SPON2: variants seen among roughly 807,000 people sequenced by gnomAD.
SPON2 encodes the protein spondin 2, also known as spondin-2.
SPON2 carries 32 observed loss-of-function variants against 29.9 expected under a neutral mutation model. The observed-to-expected ratio is 1.07, with a 90% CI of 0.81 to 1.44. The LOEUF (loss-of-function observed/expected upper bound fraction) is 1.44. Ranked by LOEUF, SPON2 falls within the 40% of genes most tolerant of loss-of-function variation. The pLI is 0.00. For missense variants in SPON2, 541 were observed against 455.5 expected (o/e 1.19, Z -1.71); for synonymous variants, 248 against 209.1 (o/e 1.19, Z -1.61).
At chr4:1,195,087 G>GTT (rs1728031909) in exon 1 of SPON2, 4 of 131,202 alleles carry the variant, frequency 3.0e-5, no homozygotes, top group Non-Finnish European at 4.9e-5. Context: ...GCAGCCGGCG[G>GTT]CTCCAACCCC....
chr4:1,207,042 G>A (rs562490961), intron 1 of SPON2, among the ~76,000 whole-genome samples: 8 of 151,974 alleles, frequency 5.3e-5, no homozygotes, highest in Admixed American at 1.3e-4. Flanking sequence ...GGTGCAGGGC[G>A]GGTGGGGAGC....
rs1161530279 is a variant in SPON2, at chr4:1,186,129, A to G, written c.-238-6588T>C. On this transcript the variant is annotated intron_variant, in intron 1 of 3. Transcript: ENST00000502483. ...CGTGGTGGTGGGCGCCTGTAGTCCC[A>G]GCTACTCAGGAGGCTGAGGCAGGAG... is the stretch of plus-strand genomic sequence containing the variant. Among the ~76,000 whole-genome samples, 4 of 151,156 alleles carry G rather than the reference A, an allele frequency of 2.6e-5. No individual in the cohort carries two copies. The East Asian group carries it at 8.0e-4, about 30-fold the overall frequency.
intron 5 of SPON2, among the ~76,000 whole-genome samples, chr4:1,169,373 G>C (rs962468692): frequency 6.6e-6 from 1 of 152,128 alleles, no homozygotes; most frequent in Non-Finnish European, 1.5e-5. Context: ...GCCTGCACTG[G>C]GCAGGGGCAG....
chr4:1,180,964 T>G (rs1015137662), intron 1 of SPON2, among the ~76,000 whole-genome samples: 1 of 151,962 alleles, frequency 6.6e-6, no homozygotes, highest in Admixed American at 6.6e-5. Flanking sequence ...GGGCAGAAAA[T>G]TATTTGATGA....
rs1727492863 is a variant in SPON2 at position 1,172,552 on chromosome 4, A to AGCAGCGGGAGCGCGGCCG, written c.-30_-13dup. On this transcript the variant is annotated 5_prime_UTR_variant, in exon 1 of 6. Coordinates refer to ENST00000290902, the MANE Select transcript of SPON2 (RefSeq NM_012445.4). ...GGGCACGCAGTACTCACCCGGCAGG[A>AGCAGCGGGAGCGCGGCCG]GCAGCGGGAGCGCGGCCGGCAGCGG... 1 of 160,398 alleles carries AGCAGCGGGAGCGCGGCCG rather than the reference A, an allele frequency of 6.2e-6. No individual in the cohort carries two copies. Among genetic ancestry groups the AGCAGCGGGAGCGCGGCCG allele is most frequent in the African/African-American group, 2.4e-5 (1 of 41,348 alleles). 9.9% of individuals were successfully genotyped at this position (160,398 alleles called of 1,614,324 possible).
intron 1 of SPON2, among the ~76,000 whole-genome samples, chr4:1,203,796 A>G (rs371499568): frequency 2.0e-5 from 3 of 151,952 alleles, no homozygotes; most frequent in African/African-American, 7.3e-5. Flanking sequence ...CCTGGTGGCT[A>G]ATGGTGTTAA....
At chr4:1,200,411 A>T (rs960807783) in intron 1 of SPON2, among the ~76,000 whole-genome samples, 6 of 151,824 alleles carry the variant, frequency 4.0e-5, no homozygotes, top group African/African-American at 1.5e-4. Context: ...TGGAGGGAGG[A>T]AGGGGCTTCA....
At chr4:1,172,392 G>A (rs1727488357) in intron 1 of SPON2, 152 bp downstream of exon 1, 1 of 481,218 alleles carries the variant, frequency 2.1e-6, no homozygotes, top group South Asian at 2.2e-5. Context: ...CCGGGGCCTT[G>A]GCCGACTGGC....
At position 1,186,019 on chromosome 4, in the gene SPON2, C is replaced by T. The variant is rs537624521; in HGVS notation, c.-238-6478G>A. 4.5e-3 allele frequency among the ~76,000 whole-genome samples: 674 copies of T among 149,586 alleles called. 4 individuals are homozygous for T. Among genetic ancestry groups the T allele is most frequent in the African/African-American group, 0.012 (498 of 41,302 alleles). ...CAGCACTTTGGGAGGCCGAGGCGGGCGGATCACGAGGTCAGGAGATCGAGA... is the reference window on the plus strand; with the variant it reads ...CAGCACTTTGGGAGGCCGAGGCGGGTGGATCACGAGGTCAGGAGATCGAGA... On this transcript the variant is annotated intron_variant, in intron 1 of 3. Coordinates refer to the SPON2 transcript ENST00000502483.
At chr4:1,170,820 G>T in intron 4 of SPON2, 179 bp downstream of exon 4, 1 of 1,010,532 alleles carries the variant, frequency 9.9e-7, no homozygotes. Flanking sequence ...ACCCCGGGTT[G>T]GGAGAGTATG....
At chr4:1,200,759 G>A (rs896326521) in intron 1 of SPON2, 4 of 454,088 alleles carry the variant, frequency 8.8e-6, no homozygotes, top group Non-Finnish European at 1.8e-5. Flanking sequence ...CGAGGAGAGG[G>A]TGGGTGCAGC....
chr4:1,184,101 C>A (rs1384759076), intron 1 of SPON2, among the ~76,000 whole-genome samples: 6 of 152,126 alleles, frequency 3.9e-5, no homozygotes, highest in Non-Finnish European at 8.8e-5. Context: ...CTCAGCCTCC[C>A]AAGTAGCTGA....
chr4:1,170,982 G>T lies in SPON2; in HGVS notation c.636+17C>A, dbSNP rs1174745663. The T allele has an allele frequency of 1.3e-6, 2 of 1,546,270 alleles. No individual in the cohort carries two copies. The highest frequency in any genetic ancestry group is 8.7e-7 in the Non-Finnish European group (1 of 1,144,296). On this transcript the variant is annotated intron_variant, in intron 4 of 5. Transcript: ENST00000290902. ...GGGGGCCATAGCGGCCCTTGCGCAC[G>T]CGGGGTGCCCACTCACCTCGGTCAC...
chr4:1,170,316 TCA>T, intron 5 of SPON2, 84 bp downstream of exon 5: 6 of 1,361,360 alleles, frequency 4.4e-6, no homozygotes, highest in Non-Finnish European at 6.1e-6. Flanking sequence ...TTGGAATTTC[TCA>T]GAGCCTTAGG....
chr4:1,207,312 G>C (rs1312672042), intron 1 of SPON2, among the ~76,000 whole-genome samples: 1 of 152,144 alleles, frequency 6.6e-6, no homozygotes, highest in African/African-American at 2.4e-5. Context: ...CGTCCCACCA[G>C]TGTCCACAGC....
intron 1 of SPON2, among the ~76,000 whole-genome samples, chr4:1,186,060 C>A (rs13109140): frequency 3.5e-4 from 51 of 146,318 alleles, no homozygotes; most frequent in Non-Finnish European, 6.1e-4. Flanking sequence ...CTGGCTAACA[C>A]GGTGAAACCC....
At chr4:1,201,201 A>C (rs1231319217) in intron 1 of SPON2, 5 of 441,520 alleles carry the variant, frequency 1.1e-5, no homozygotes, top group African/African-American at 2.0e-5. Context: ...CCCCCGCAGT[A>C]TGTGGGCAGT....
At chr4:1,174,167 C>T (rs1727541290), upstream of SPON2, among the ~76,000 whole-genome samples, 1 of 151,434 alleles carries the variant, frequency 6.6e-6, no homozygotes, top group South Asian at 2.1e-4. Flanking sequence ...GGAGGTCAAG[C>T]CTGCAGTGAA....
At chr4:1,198,178 G>A (rs1430777267), upstream of SPON2, among the ~76,000 whole-genome samples, 1 of 152,210 alleles carries the variant, frequency 6.6e-6, no homozygotes, top group Non-Finnish European at 1.5e-5. Context: ...GGAATGATGA[G>A]ACAGCCCGCT....
Sources: gnomAD v4.1 joint callset for allele counts (sites outside exome capture counted in the v4.1 genomes callset) on GRCh38, gnomAD v4.1.1 for gene constraint, MANE v1.5 for transcripts, NCBI Gene and HGNC (gene_info 2026-07-23, HGNC 2026-07-21) for gene names.